The following ALCAM variants were observed in gnomAD, a reference collection of about 807,000 sequenced individuals.
ALCAM encodes the protein activated leukocyte cell adhesion molecule.
ALCAM carries 30 observed loss-of-function variants against 70.9 expected under a neutral mutation model. The ratio of observed to expected loss-of-function variants is 0.42; its 90% confidence interval spans 0.32 to 0.57. The LOEUF (loss-of-function observed/expected upper bound fraction) is 0.57. Among genes scored for constraint, ALCAM ranks in the 20% least tolerant of loss-of-function variants. ALCAM has a pLI of 0.11. For synonymous variants in ALCAM, 249 were observed against 242.5 expected (o/e 1.03, Z -0.25); for missense variants, 591 against 695.1 (o/e 0.85, Z 1.68).
At chr3:105,504,382 C>T (rs1322985629) in intron 1 of ALCAM, among the ~76,000 whole-genome samples, 2 of 152,154 alleles carry the variant, frequency 1.3e-5, no homozygotes, top group Non-Finnish European at 2.9e-5. Flanking sequence ...CTTGGTGTAC[C>T]GGAAGAATCA....
At chr3:105,399,944 A>C (rs1936047795) in intron 1 of ALCAM, among the ~76,000 whole-genome samples, 1 of 152,176 alleles carries the variant, frequency 6.6e-6, no homozygotes, top group African/African-American at 2.4e-5. Context: ...AAAAAGTAGC[A>C]AACATTGTCC....
intron 3 of ALCAM, among the ~76,000 whole-genome samples, chr3:105,526,707 G>GT (rs1195441776): frequency 6.6e-6 from 1 of 152,188 alleles, no homozygotes; most frequent in African/African-American, 2.4e-5. Context: ...GCTTTGGTTT[G>GT]TTTTTTTGTT....
At chr3:105,524,010 GC>G (rs1228484217) in intron 2 of ALCAM, among the ~76,000 whole-genome samples, 1 of 151,862 alleles carries the variant, frequency 6.6e-6, no homozygotes, top group Non-Finnish European at 1.5e-5. Context: ...AACATATGCA[GC>G]CCATGTAAGT....
intron 1 of ALCAM, among the ~76,000 whole-genome samples, chr3:105,418,825 G>GA (rs199529963): frequency 3.3e-5 from 5 of 149,798 alleles, no homozygotes; most frequent in Non-Finnish European, 7.4e-5. Flanking sequence ...ATTCACTGTA[G>GA]AAAAAAAAAG....
chr3:105,370,948 T>A (rs528915934), intron 1 of ALCAM, among the ~76,000 whole-genome samples: 2 of 152,280 alleles, frequency 1.3e-5, no homozygotes, highest in Admixed American at 1.3e-4. Flanking sequence ...ATATTGTACA[T>A]CCTAAAGTTG....
chr3:105,417,549 C>T (rs1320738850), intron 1 of ALCAM, among the ~76,000 whole-genome samples: 1 of 151,694 alleles, frequency 6.6e-6, no homozygotes, highest in Non-Finnish European at 1.5e-5. Flanking sequence ...CCCAGCGCGG[C>T]CACTTGCTAC....
At chr3:105,420,149 A>G (rs958795150) in intron 1 of ALCAM, among the ~76,000 whole-genome samples, 6 of 151,766 alleles carry the variant, frequency 4.0e-5, no homozygotes, top group Admixed American at 1.3e-4. Flanking sequence ...TAGTATTTCA[A>G]TTTTACCATA....
chr3:105,550,056 C>A, intron 11 of ALCAM, 71 bp from the exon 12 acceptor site: 3 of 1,408,252 alleles, frequency 2.1e-6, no homozygotes, highest in Non-Finnish European at 2.0e-6. Flanking sequence ...CTATTACAGT[C>A]ATCATTACTC....
At chr3:105,442,202 G>T (rs1937186667) in intron 1 of ALCAM, among the ~76,000 whole-genome samples, 1 of 151,958 alleles carries the variant, frequency 6.6e-6, no homozygotes, top group South Asian at 2.1e-4. Flanking sequence ...ATCTATCTTG[G>T]GCCTTTATAC....
chr3:105,526,019 G>A (rs1012430582), intron 3 of ALCAM, among the ~76,000 whole-genome samples: 3 of 152,028 alleles, frequency 2.0e-5, no homozygotes, highest in Admixed American at 6.5e-5. Context: ...CACTGCTCAG[G>A]ACACTTTTCT....
At chr3:105,426,601 C>T (rs537594695) in intron 1 of ALCAM, among the ~76,000 whole-genome samples, 1 of 151,852 alleles carries the variant, frequency 6.6e-6, no homozygotes, top group African/African-American at 2.4e-5. Flanking sequence ...ACTACCAGAC[C>T]TTATCCCTCC....
At chr3:105,511,341 A>G (rs957213232) in intron 1 of ALCAM, among the ~76,000 whole-genome samples, 6 of 152,054 alleles carry the variant, frequency 3.9e-5, no homozygotes, top group Non-Finnish European at 7.4e-5. Context: ...TCCCAAGTGT[A>G]TGTGACTATT....
At chr3:105,569,779 A>G (rs1576247644) in intron 14 of ALCAM, among the ~76,000 whole-genome samples, 1 of 152,212 alleles carries the variant, frequency 6.6e-6, no homozygotes, top group South Asian at 2.1e-4. Flanking sequence ...GATGTCTCAC[A>G]TCTCAGTGTT....
chr3:105,540,244 C>T, intron 7 of ALCAM, 142 bp downstream of exon 7: 1 of 786,840 alleles, frequency 1.3e-6, no homozygotes. Context: ...GAAGCTTTTT[C>T]TGCACCTGCC....
At chr3:105,387,551 G>A (rs906543946) in intron 1 of ALCAM, among the ~76,000 whole-genome samples, 1 of 151,620 alleles carries the variant, frequency 6.6e-6, no homozygotes, top group African/African-American at 2.4e-5. Context: ...CAGATTCTAT[G>A]TAAATAGTCT....
At chr3:105,562,233 C>T (rs1270157456) in intron 14 of ALCAM, among the ~76,000 whole-genome samples, 1 of 152,162 alleles carries the variant, frequency 6.6e-6, no homozygotes, top group Non-Finnish European at 1.5e-5. Flanking sequence ...ATGTTGCCTC[C>T]CAGAAACTGA....
intron 1 of ALCAM, among the ~76,000 whole-genome samples, chr3:105,437,202 A>T (rs1437458549): frequency 6.6e-6 from 1 of 152,130 alleles, no homozygotes. Flanking sequence ...TTAATTTCTC[A>T]CTTTCATCCT....
intron 1 of ALCAM, among the ~76,000 whole-genome samples, chr3:105,372,888 A>G (rs1935273129): frequency 6.6e-6 from 1 of 152,110 alleles, no homozygotes; most frequent in African/African-American, 2.4e-5. Flanking sequence ...AATCCTATAA[A>G]TATTATAGAC....
chr3:105,388,072 G>A (rs1255382764), intron 1 of ALCAM, among the ~76,000 whole-genome samples: 1 of 151,460 alleles, frequency 6.6e-6, no homozygotes, highest in Non-Finnish European at 1.5e-5. Flanking sequence ...ATGCATTACA[G>A]TATAAACAAG....
Sources: allele counts gnomAD v4.1 joint callset (sites outside exome capture counted in the v4.1 genomes callset), GRCh38; gene constraint gnomAD v4.1.1; transcripts MANE v1.5; gene names NCBI Gene and HGNC (gene_info 2026-07-23, HGNC 2026-07-21).